The following PARPBP variants were observed in gnomAD, a reference collection of about 807,000 sequenced individuals.
PARPBP encodes PARP1 binding protein.
Under a neutral mutation model 50.0 loss-of-function variants are expected in PARPBP, and 52 were observed. That is an observed-to-expected ratio of 1.04 (90% CI 0.83 to 1.31). The LOEUF (loss-of-function observed/expected upper bound fraction) is 1.31, where lower values mean the gene tolerates loss of function less well. PARPBP is among the 50% of genes most tolerant of loss of function. The pLI, the probability that PARPBP is intolerant of heterozygous loss-of-function variation, is 0.00. For missense variants in PARPBP, 697 were observed against 672.0 expected (o/e 1.04, Z -0.41); for synonymous variants, 244 against 232.1 (o/e 1.05, Z -0.47).
chr12:102,155,671 C>G (rs74749341), intron 4 of PARPBP, among the ~76,000 whole-genome samples: 21,816 of 150,426 alleles, frequency 0.15, 1,707 homozygotes, highest in Non-Finnish European at 0.18. Flanking sequence ...CTTTGGGTCC[C>G]CTCCCATTTT....
intron 3 of PARPBP, among the ~76,000 whole-genome samples, chr12:102,149,342 A>G (rs977991686): frequency 3.3e-5 from 5 of 152,232 alleles, no homozygotes; most frequent in African/African-American, 9.6e-5. Flanking sequence ...AAGATATGCA[A>G]CCAAGACTGA....
chr12:102,136,700 G>C (rs1046604719), intron 2 of PARPBP, among the ~76,000 whole-genome samples: 1 of 152,108 alleles, frequency 6.6e-6, no homozygotes, highest in Non-Finnish European at 1.5e-5. Context: ...CATGTGTAGT[G>C]GTGTGGTAGG....
intron 6 of PARPBP, among the ~76,000 whole-genome samples, chr12:102,169,291 A>G (rs1888455686): frequency 6.6e-6 from 1 of 152,186 alleles, no homozygotes; most frequent in Non-Finnish European, 1.5e-5. Context: ...CTTCTACTAC[A>G]TATATGCAAA....
At chr12:102,142,940 G>C (rs1884841667) in intron 2 of PARPBP, among the ~76,000 whole-genome samples, 1 of 152,226 alleles carries the variant, frequency 6.6e-6, no homozygotes, top group South Asian at 2.1e-4. Context: ...TTGGTGTTCA[G>C]GGACCTACTT....
intron 4 of PARPBP, among the ~76,000 whole-genome samples, chr12:102,158,133 A>C (rs1047552014): frequency 6.6e-6 from 1 of 150,950 alleles, no homozygotes; most frequent in Non-Finnish European, 1.5e-5. Context: ...AAAAAAAAAA[A>C]AAAAAAAAAA....
chr12:102,133,188 T>A (rs1020318034), intron 2 of PARPBP, among the ~76,000 whole-genome samples: 2 of 152,150 alleles, frequency 1.3e-5, no homozygotes, highest in African/African-American at 2.4e-5. Context: ...CTATGTTGAA[T>A]AGAAGTGGGA....
intron 5 of PARPBP, among the ~76,000 whole-genome samples, chr12:102,164,922 G>C (rs886313161): frequency 1.3e-5 from 2 of 152,096 alleles, no homozygotes; most frequent in Non-Finnish European, 1.5e-5. Flanking sequence ...AGGGCAAAAT[G>C]TTTAGAAGTA....
At chr12:102,123,191 G>C (rs1881427465) in intron 1 of PARPBP, among the ~76,000 whole-genome samples, 1 of 152,160 alleles carries the variant, frequency 6.6e-6, no homozygotes, top group Non-Finnish European at 1.5e-5. Context: ...TTCCAGACTC[G>C]CAAGTGTTTA....
At chr12:102,128,606 T>C (rs1173263094) in intron 2 of PARPBP, among the ~76,000 whole-genome samples, 2 of 152,234 alleles carry the variant, frequency 1.3e-5, no homozygotes, top group African/African-American at 2.4e-5. Flanking sequence ...TGTCTTACTT[T>C]CCTTAATATA....
chr12:102,129,293 C>A (rs1179250939), intron 2 of PARPBP, among the ~76,000 whole-genome samples: 1 of 151,774 alleles, frequency 6.6e-6, no homozygotes, highest in Non-Finnish European at 1.5e-5. Context: ...TGCTCTTTTG[C>A]CCATTTTTTT....
At chr12:102,151,484 A>C in intron 3 of PARPBP, 1 of 846,402 alleles carries the variant, frequency 1.2e-6, no homozygotes, top group East Asian at 2.7e-5. Flanking sequence ...GGCTGCTGGG[A>C]GATGCATCAA....
At chr12:102,136,815 C>T (rs564558054) in intron 2 of PARPBP, among the ~76,000 whole-genome samples, 1 of 152,090 alleles carries the variant, frequency 6.6e-6, no homozygotes, top group Non-Finnish European at 1.5e-5. Flanking sequence ...TATATGTCTG[C>T]GGGTGCATTC....
In PARPBP at chr12:102,149,635, T is replaced by C. The variant is rs1024793607; in HGVS notation, c.387+1172T>C. Reference sequence around the variant, plus strand: ...TGCAAGGGAGGATGGAGAATATAGATCTTATTCTGGGTAATATCTTGCCAG... The same window carrying C: ...TGCAAGGGAGGATGGAGAATATAGACCTTATTCTGGGTAATATCTTGCCAG... On this transcript the variant is annotated intron_variant, in intron 3 of 10. Transcript: ENST00000327680. Among the ~76,000 whole-genome samples the C allele has an allele frequency of 2.0e-5, 3 of 152,190 alleles. No individual in the cohort carries two copies. The East Asian group carries it at 5.8e-4, about 29-fold the overall frequency.
chr12:102,161,708 C>T (rs1302053975), intron 4 of PARPBP, among the ~76,000 whole-genome samples: 1 of 151,892 alleles, frequency 6.6e-6, no homozygotes, highest in Non-Finnish European at 1.5e-5. Flanking sequence ...ATCACTTGAG[C>T]CCAGGAGTTC....
chr12:102,125,844 C>T (rs867801877), intron 2 of PARPBP, among the ~76,000 whole-genome samples: 3 of 152,176 alleles, frequency 2.0e-5, no homozygotes, highest in Admixed American at 6.5e-5. Flanking sequence ...TAATTGACTT[C>T]GTCAAAGAGA....
intron 7 of PARPBP, among the ~76,000 whole-genome samples, chr12:102,178,134 A>G (rs1211822805): frequency 6.6e-6 from 1 of 152,240 alleles, no homozygotes; most frequent in Non-Finnish European, 1.5e-5. Flanking sequence ...GACATAGTAT[A>G]TGCTTATCAA....
rs774604474 is a variant in PARPBP at position 102,196,283 on chromosome 12, A to G, written c.1732A>G (p.Arg578Gly). The part of the protein sequence containing the change: ...SGQAKLTQFF[R>G]L ...CCAGGCAAAGTTAACTCAGTTTTTT[A>G]GACTATAAATTTGTGTCTTATATGC... Residue 578 changes from arginine to glycine, a missense_variant, in exon 11 of 11, where the codon AGA (arginine) becomes GGA (glycine). Physicochemically the swap from Arg to Gly is moderately radical, Grantham distance 125. Coordinates refer to ENST00000327680, the MANE Select transcript of PARPBP (RefSeq NM_017915.5). 40 of 1,577,430 alleles carry G rather than the reference A, an allele frequency of 2.5e-5. 1 individual carries two copies. The South Asian group carries it at 4.6e-4, about 18-fold the overall frequency.
intron 2 of PARPBP, among the ~76,000 whole-genome samples, chr12:102,125,555 G>A (rs893837049): frequency 1.3e-5 from 2 of 152,078 alleles, no homozygotes; most frequent in Admixed American, 6.5e-5. Context: ...TCTATGCCTG[G>A]ATGTTCCAGG....
chr12:102,165,518 G>T (rs1297399434), intron 5 of PARPBP, among the ~76,000 whole-genome samples: 1 of 152,024 alleles, frequency 6.6e-6, no homozygotes, highest in Non-Finnish European at 1.5e-5. Context: ...CTGCAGCTGG[G>T]TGTCATTGCC....
Sources: allele counts gnomAD v4.1 joint callset (sites outside exome capture counted in the v4.1 genomes callset), GRCh38; gene constraint gnomAD v4.1.1; transcripts MANE v1.5; gene names NCBI Gene and HGNC (gene_info 2026-07-23, HGNC 2026-07-21).